The following TSPAN12 variants were observed in gnomAD, a reference collection of about 807,000 sequenced individuals.
TSPAN12 encodes tetraspanin 12.
TSPAN12 carries 19 observed loss-of-function variants against 39.2 expected under a neutral mutation model. The observed-to-expected ratio is 0.49, with a 90% confidence interval of 0.34 to 0.71. The LOEUF is 0.71. TSPAN12 is among the 30% of genes least tolerant of loss of function. TSPAN12 has a pLI of 0.01. For synonymous variants in TSPAN12, 119 were observed against 124.8 expected (o/e 0.95, Z 0.31); for missense variants, 314 against 359.9 (o/e 0.87, Z 1.03).
intron 7 of TSPAN12, among the ~76,000 whole-genome samples, chr7:120,798,512 C>T (rs772754042): frequency 4.6e-5 from 7 of 152,180 alleles, no homozygotes; most frequent in African/African-American, 9.7e-5. Flanking sequence ...GGAGGGTTTA[C>T]GGATGTTTAT....
At chr7:120,792,602 G>T (rs983973727) in intron 7 of TSPAN12, among the ~76,000 whole-genome samples, 1 of 152,176 alleles carries the variant, frequency 6.6e-6, no homozygotes, top group Non-Finnish European at 1.5e-5. Context: ...CTTGGTAAAG[G>T]CCGGGAGACT....
intron 5 of TSPAN12, among the ~76,000 whole-genome samples, chr7:120,813,586 A>C (rs1794022788): frequency 6.6e-6 from 1 of 152,208 alleles, no homozygotes. Context: ...TTGGTATGGC[A>C]TATATACTCT....
chr7:120,804,960 C>G (rs1562940087), intron 7 of TSPAN12, among the ~76,000 whole-genome samples: 1 of 152,046 alleles, frequency 6.6e-6, no homozygotes, highest in Non-Finnish European at 1.5e-5. Flanking sequence ...GATTTCTCCT[C>G]ATGGCCCTCA....
intron 7 of TSPAN12, among the ~76,000 whole-genome samples, chr7:120,803,531 C>A (rs1451684335): frequency 6.6e-6 from 1 of 152,098 alleles, no homozygotes; most frequent in African/African-American, 2.4e-5. Flanking sequence ...ACTAAATGAT[C>A]CTCTTTTGTA....
At chr7:120,789,468 A>G (rs1793478024) in intron 7 of TSPAN12, among the ~76,000 whole-genome samples, 2 of 152,266 alleles carry the variant, frequency 1.3e-5, no homozygotes, top group African/African-American at 4.8e-5. Context: ...TACAAACACA[A>G]GAAATTTGCA....
chr7:120,802,674 T>A (rs1484489122), intron 7 of TSPAN12, among the ~76,000 whole-genome samples: 4 of 152,214 alleles, frequency 2.6e-5, no homozygotes, highest in Non-Finnish European at 5.9e-5. Flanking sequence ...GGTTATCGTA[T>A]CATCATTTTG....
intron 2 of TSPAN12, among the ~76,000 whole-genome samples, chr7:120,847,703 A>G (rs1157973687): frequency 2.0e-5 from 3 of 152,188 alleles, no homozygotes; most frequent in Non-Finnish European, 4.4e-5. Flanking sequence ...TGGCTAGTTC[A>G]GGCCTTCATC....
At chr7:120,825,471 C>A (rs901732773) in intron 4 of TSPAN12, among the ~76,000 whole-genome samples, 1 of 152,068 alleles carries the variant, frequency 6.6e-6, no homozygotes, top group African/African-American at 2.4e-5. Flanking sequence ...AAACATGGTG[C>A]CTTTTGACTC....
intron 2 of TSPAN12, 66 bp downstream of exon 2, chr7:120,856,632 T>G (rs1178007011): frequency 6.6e-7 from 1 of 1,518,966 alleles, no homozygotes; most frequent in East Asian, 2.3e-5. Flanking sequence ...TTTGGCGCAT[T>G]ATCCGGTGGC....
intron 4 of TSPAN12, among the ~76,000 whole-genome samples, chr7:120,818,467 C>T (rs896430992): frequency 6.6e-5 from 10 of 151,946 alleles, no homozygotes; most frequent in Admixed American, 5.9e-4. Flanking sequence ...GAGCCATTAG[C>T]ATTCAAACTT....
At chr7:120,831,471 A>C (rs918659131) in intron 4 of TSPAN12, among the ~76,000 whole-genome samples, 2 of 152,058 alleles carry the variant, frequency 1.3e-5, no homozygotes, top group Admixed American at 6.6e-5. Flanking sequence ...CCCTAAAAAA[A>C]CAAGGAAATT....
chr7:120,848,846 G>T (rs914815667), intron 2 of TSPAN12, among the ~76,000 whole-genome samples: 1 of 152,136 alleles, frequency 6.6e-6, no homozygotes, highest in Non-Finnish European at 1.5e-5. Context: ...TTGAGAAAAT[G>T]ATAACAATAA....
intron 7 of TSPAN12, among the ~76,000 whole-genome samples, chr7:120,803,528 G>T (rs538587871): frequency 6.6e-6 from 1 of 152,058 alleles, no homozygotes; most frequent in Non-Finnish European, 1.5e-5. Context: ...ACTACTAAAT[G>T]ATCCTCTTTT....
At chr7:120,820,835 C>T (rs1484679143) in intron 4 of TSPAN12, among the ~76,000 whole-genome samples, 2 of 152,102 alleles carry the variant, frequency 1.3e-5, no homozygotes, top group East Asian at 1.9e-4. Context: ...CTAATTTGAA[C>T]CTTGAGTGTC....
rs528212739 is a variant in TSPAN12, at chr7:120,821,382, A to T, written c.286-5579T>A. Among the ~76,000 whole-genome samples, 37 of 152,140 alleles carry T rather than the reference A, an allele frequency of 2.4e-4. No homozygotes were observed. In the South Asian group the frequency reaches 7.5e-3, roughly 31 times the overall value. On this transcript the variant is annotated intron_variant, in intron 4 of 7. Transcript: ENST00000222747. Reference sequence around the variant, plus strand: ...AGATGAGTGCCTTCATATTTTAGGTAATAGAAGATTAAATAAAACAATGTA... The same window carrying T: ...AGATGAGTGCCTTCATATTTTAGGTTATAGAAGATTAAATAAAACAATGTA...
chr7:120,848,219 A>G (rs1409864768), intron 2 of TSPAN12, among the ~76,000 whole-genome samples: 1 of 152,122 alleles, frequency 6.6e-6, no homozygotes, highest in African/African-American at 2.4e-5. Context: ...CGCCTTACCT[A>G]CAGATCTTTT....
intron 4 of TSPAN12, among the ~76,000 whole-genome samples, chr7:120,816,302 A>G (rs369559492): frequency 1.3e-5 from 2 of 151,982 alleles, no homozygotes; most frequent in African/African-American, 4.8e-5. Context: ...GTAAGTTTCT[A>G]TTATGGGGAA....
intron 5 of TSPAN12, among the ~76,000 whole-genome samples, chr7:120,812,230 T>C (rs1046191688): frequency 3.9e-5 from 6 of 152,178 alleles, no homozygotes; most frequent in Admixed American, 3.9e-4. Flanking sequence ...CAGTCATTAC[T>C]GGCCAGAAAT....
chr7:120,845,797 T>C (rs1275249499), intron 2 of TSPAN12, among the ~76,000 whole-genome samples: 1 of 152,226 alleles, frequency 6.6e-6, no homozygotes. Flanking sequence ...CTTTCCCTCA[T>C]CTTTCTGTCT....
Sources: allele counts gnomAD v4.1 joint callset (sites outside exome capture counted in the v4.1 genomes callset), GRCh38; gene constraint gnomAD v4.1.1; transcripts MANE v1.5; gene names NCBI Gene and HGNC (gene_info 2026-07-23, HGNC 2026-07-21).